Variants in CYTH3 observed in about 807,000 individuals in gnomAD.
CYTH3 encodes cytohesin 3, also known as cytohesin-3.
Under a neutral mutation model 55.1 loss-of-function variants are expected in CYTH3, and 23 were observed. The observed-to-expected ratio is 0.42, with a 90% CI of 0.30 to 0.59. The LOEUF (loss-of-function observed/expected upper bound fraction) is 0.59. CYTH3 is among the 20% of genes least tolerant of loss of function. The pLI, the probability that CYTH3 is intolerant of heterozygous loss-of-function variation, is 0.20. For synonymous variants in CYTH3, 249 were observed against 194.9 expected, an observed-to-expected ratio of 1.28 and a Z score of -2.31; for missense variants, 413 against 524.8, an observed-to-expected ratio of 0.79 and a Z score of 2.08.
intron 1 of CYTH3, among the ~76,000 whole-genome samples, chr7:6,216,897 C>G (rs1198660568): frequency 2.7e-5 from 4 of 150,304 alleles, no homozygotes. Context: ...GACTTAAGCC[C>G]TAATATAATC....
At position 6,170,762 on chromosome 7, in the gene CYTH3, CGG is replaced by C. The variant is rs1047096824; in HGVS notation, c.711+66_711+67del. 4 of 1,570,402 alleles carry C rather than the reference CGG, an allele frequency of 2.5e-6. No homozygotes were observed. The highest frequency in any genetic ancestry group is 3.5e-6 in the Non-Finnish European group (4 of 1,157,472). The stretch of plus-strand genomic sequence containing the variant: ...GGCTTGGGAGGCGTGTCTAGAGCCG[CGG>C]GCGCTGCGGCCGCTCACAGCGAAGA... On this transcript the variant is annotated intron_variant, in intron 8 of 12. Coordinates refer to ENST00000350796, the MANE Select transcript of CYTH3 (RefSeq NM_004227.4). This position sits in a 1 kb window ranked among gnomAD's most constrained non-coding sequence, Gnocchi z 7.8.
intron 1 of CYTH3, among the ~76,000 whole-genome samples, chr7:6,272,153 G>A (rs1376900685): frequency 6.6e-6 from 1 of 152,128 alleles, no homozygotes; most frequent in Non-Finnish European, 1.5e-5. Context: ...AGGTCGCCCC[G>A]CAAGGTCCCC....
Position 6,259,828 on chromosome 7 carries a change from A to T in CYTH3, c.34+12646T>A, listed in dbSNP as rs1197021141. 2.1e-3 allele frequency among the ~76,000 whole-genome samples: 47 copies of T among 22,886 alleles called. 3 individuals are homozygous for T. The highest frequency in any genetic ancestry group is 8.9e-3 in the Admixed American group (11 of 1,234). 15.0% of individuals were successfully genotyped at this position (22,886 alleles called of 152,430 possible). A position where few individuals can be genotyped will look rare whatever the true frequency, so the allele number is the denominator to read the frequency against. On this transcript the variant is annotated intron_variant, in intron 1 of 12. Coordinates refer to ENST00000350796, the MANE Select transcript of CYTH3 (RefSeq NM_004227.4). ...ATATATATATAATATATATATATATATATATTTTTTTTTTTTTTTAAGACG... is the reference window on the plus strand; with the variant it reads ...ATATATATATAATATATATATATATTTATATTTTTTTTTTTTTTTAAGACG...
At chr7:6,212,657 G>A (rs1372896170) in intron 1 of CYTH3, 2 of 152,192 alleles carry the variant, frequency 1.3e-5, no homozygotes, top group Admixed American at 1.3e-4. Context: ...GTCAAATGCA[G>A]TAGTGAGAAG....
chr7:6,242,111 C>G (rs1437548603), intron 1 of CYTH3, among the ~76,000 whole-genome samples: 1 of 152,136 alleles, frequency 6.6e-6, no homozygotes, highest in Non-Finnish European at 1.5e-5. Flanking sequence ...GAGTCTCGCT[C>G]TGTCACCCAG....
At position 6,188,091 on chromosome 7, in the gene CYTH3, T is replaced by C. The variant is rs567047816; in HGVS notation, c.118-370A>G. 5.2e-4 allele frequency among the ~76,000 whole-genome samples: 79 copies of C among 151,976 alleles called. 1 individual carries two copies. Among genetic ancestry groups the C allele is most frequent in the South Asian group, 1.5e-3 (7 of 4,804 alleles). ...CCTGTAATCCCAGCATTTTGGGAGG[T>C]TGAAGCAGAGGGATCGCTTGAGATC... On this transcript the variant is annotated intron_variant, in intron 2 of 12. Transcript: ENST00000350796.
rs1483248780 is a variant in CYTH3 at position 6,189,300 on chromosome 7, T to C, written c.117+1149A>G. Among the ~76,000 whole-genome samples, 8 of 152,118 alleles carry C rather than the reference T, an allele frequency of 5.3e-5. No individual in the cohort carries two copies. In the East Asian group the frequency reaches 1.5e-3, roughly 29 times the overall value. On this transcript the variant is annotated intron_variant, in intron 2 of 12. Coordinates refer to ENST00000350796, the MANE Select transcript of CYTH3 (RefSeq NM_004227.4). Reference sequence around the variant, plus strand: ...AGCCCATGTTTGTGTGCCTGTGTTTTTATTTGTCTTTACTTTTTCTTTTTT... The same window carrying C: ...AGCCCATGTTTGTGTGCCTGTGTTTCTATTTGTCTTTACTTTTTCTTTTTT...
chr7:6,224,056 A>T (rs936218150), intron 1 of CYTH3, among the ~76,000 whole-genome samples: 4 of 152,072 alleles, frequency 2.6e-5, no homozygotes, highest in African/African-American at 9.7e-5. Context: ...CACAAAAAGC[A>T]AAAACACGTC....
chr7:6,169,093 C>T lies in CYTH3; in HGVS notation c.823+1442G>A, dbSNP rs559647362. Among the ~76,000 whole-genome samples the T allele has an allele frequency of 2.0e-5, 3 of 152,224 alleles. No individual in the cohort carries two copies. The highest frequency in any genetic ancestry group is 4.4e-5 in the Non-Finnish European group (3 of 68,040). On this transcript the variant is annotated intron_variant, in intron 9 of 12. Coordinates refer to ENST00000350796, the MANE Select transcript of CYTH3 (RefSeq NM_004227.4). This position sits in a 1 kb window ranked among gnomAD's most constrained non-coding sequence, Gnocchi z 4.1. Reference sequence around the variant, plus strand: ...TCTACAACTCCCCTAAACCTCGGTACAGCCAGAAAAAAGTCAAAGAGCAAT... The same window carrying T: ...TCTACAACTCCCCTAAACCTCGGTATAGCCAGAAAAAAGTCAAAGAGCAAT...
chr7:6,261,168 T>C (rs186833482), intron 1 of CYTH3, among the ~76,000 whole-genome samples: 1 of 152,224 alleles, frequency 6.6e-6, no homozygotes, highest in African/African-American at 2.4e-5. Context: ...GGGCCCCTTT[T>C]CTCCTTGAGG....
chr7:6,196,761 G>A (rs764807194), intron 1 of CYTH3, among the ~76,000 whole-genome samples: 2 of 151,932 alleles, frequency 1.3e-5, no homozygotes, highest in Admixed American at 6.6e-5. Context: ...GCGCCCAGCC[G>A]CATCTTATTT....
chr7:6,172,863 A>T (rs888589741), intron 6 of CYTH3: 34 of 1,268,934 alleles, frequency 2.7e-5, no homozygotes, highest in East Asian at 5.9e-5. Flanking sequence ...TGTGAGCACA[A>T]CATCACGAGG....
At chr7:6,166,242 G>T (rs988119230) in intron 9 of CYTH3, among the ~76,000 whole-genome samples, 1 of 152,220 alleles carries the variant, frequency 6.6e-6, no homozygotes, top group Non-Finnish European at 1.5e-5. Context: ...CCAAGGAATC[G>T]TGAGACTGAA....
At chr7:6,248,485 T>C (rs946447818) in intron 1 of CYTH3, among the ~76,000 whole-genome samples, 4 of 152,168 alleles carry the variant, frequency 2.6e-5, no homozygotes, top group Admixed American at 2.0e-4. Flanking sequence ...TCTCCCTGTC[T>C]AGACCTGGCT....
At chr7:6,213,055 T>C (rs1784356556) in intron 1 of CYTH3, among the ~76,000 whole-genome samples, 1 of 152,266 alleles carries the variant, frequency 6.6e-6, no homozygotes, top group African/African-American at 2.4e-5. Context: ...TCCCGCTGAC[T>C]TATTGTTTAG....
At chr7:6,230,896 C>T (rs545048946) in intron 1 of CYTH3, among the ~76,000 whole-genome samples, 49 of 152,166 alleles carry the variant, frequency 3.2e-4, no homozygotes, top group African/African-American at 1.0e-3. Context: ...TTTTTAAGAG[C>T]CTGTACTTAC....
At chr7:6,166,959 T>G (rs1427632995) in intron 9 of CYTH3, among the ~76,000 whole-genome samples, 1 of 152,084 alleles carries the variant, frequency 6.6e-6, no homozygotes, top group Non-Finnish European at 1.5e-5. Context: ...TCTGGGCAAA[T>G]CTGCCCCCAA....
At chr7:6,263,219 A>G (rs978702909) in intron 1 of CYTH3, among the ~76,000 whole-genome samples, 10 of 152,252 alleles carry the variant, frequency 6.6e-5, no homozygotes, top group African/African-American at 2.4e-4. Flanking sequence ...ACTATAAAGC[A>G]ACACAAATTA....
intron 1 of CYTH3, among the ~76,000 whole-genome samples, chr7:6,256,992 T>C (rs943779069): frequency 1.3e-5 from 2 of 152,232 alleles, no homozygotes; most frequent in African/African-American, 4.8e-5. Context: ...ACCATCTGAC[T>C]AGTATACAGT....
Sources: gnomAD v4.1 joint callset for allele counts (sites outside exome capture counted in the v4.1 genomes callset) on GRCh38, gnomAD v4.1.1 for gene constraint, Gnocchi (gnomAD v3.1) non-coding constraint, MANE v1.5 for transcripts, NCBI Gene and HGNC (gene_info 2026-07-23, HGNC 2026-07-21) for gene names.